MBD2: variants seen among roughly 807,000 people sequenced by gnomAD.
MBD2 encodes methyl-CpG-binding domain protein 2.
Under a neutral mutation model 39.3 loss-of-function variants are expected in MBD2, and 9 were observed. The observed-to-expected ratio is 0.23, with a 90% CI of 0.14 to 0.40. MBD2 has a LOEUF of 0.40. MBD2 is among the 10% of genes least tolerant of loss of function. The probability of loss-of-function intolerance (pLI) is 1.00; values close to 1 mark genes in which losing one functional copy is unlikely to be tolerated. For synonymous variants in MBD2, 233 were observed against 211.1 expected (o/e 1.10, Z -0.90); for missense variants, 458 against 532.6 (o/e 0.86, Z 1.38).
intron 1 of MBD2, chr18:54,222,439 A>G (rs762089656): frequency 2.1e-6 from 1 of 482,482 alleles, no homozygotes; most frequent in East Asian, 5.7e-5. Flanking sequence ...ATTAAATCAA[A>G]TATTTAATGA....
chr18:54,176,613 C>A (rs533346339), intron 3 of MBD2, among the ~76,000 whole-genome samples: 1 of 152,264 alleles, frequency 6.6e-6, no homozygotes, highest in East Asian at 1.9e-4. Context: ...TGTTTCCTGC[C>A]AAGAAGAAAT....
intron 5 of MBD2, chr18:54,160,127 T>C (rs1318122061): frequency 4.2e-6 from 2 of 474,106 alleles, no homozygotes; most frequent in South Asian, 3.1e-5. Context: ...TCATCACACA[T>C]GAAATTCTAG....
At chr18:54,211,196 T>C (rs2144341411) in intron 1 of MBD2, among the ~76,000 whole-genome samples, 1 of 152,202 alleles carries the variant, frequency 6.6e-6, no homozygotes, top group Middle Eastern at 3.4e-3. Context: ...AAAATCTCTT[T>C]AAATGTTAAC....
At chr18:54,158,964 T>C (rs1394886494) in intron 6 of MBD2, among the ~76,000 whole-genome samples, 2 of 152,202 alleles carry the variant, frequency 1.3e-5, no homozygotes, top group Non-Finnish European at 2.9e-5. Context: ...GTATTTATTA[T>C]ACTTTTTAGT....
At chr18:54,158,874 T>C (rs1223153020) in intron 6 of MBD2, among the ~76,000 whole-genome samples, 1 of 152,148 alleles carries the variant, frequency 6.6e-6, no homozygotes, top group East Asian at 1.9e-4. Flanking sequence ...GTGATCCGCC[T>C]GCCTTGGCAT....
intron 3 of MBD2, among the ~76,000 whole-genome samples, chr18:54,181,509 C>A (rs1343617621): frequency 6.6e-6 from 1 of 151,690 alleles, no homozygotes; most frequent in African/African-American, 2.4e-5. Flanking sequence ...TTATTTTATT[C>A]TTTTTTTTAA....
At chr18:54,198,695 AGT>A (rs1350761327) in intron 2 of MBD2, among the ~76,000 whole-genome samples, 2 of 152,220 alleles carry the variant, frequency 1.3e-5, no homozygotes, top group Non-Finnish European at 2.9e-5. Flanking sequence ...TGGGTGAGAA[AGT>A]GAGACCGTCT....
chr18:54,223,911 C>G (rs1201882005), intron 1 of MBD2, 107 bp downstream of exon 1: 1 of 957,758 alleles, frequency 1.0e-6, no homozygotes, highest in African/African-American at 1.7e-5. Flanking sequence ...CAGCCTGTCC[C>G]TGCCACATGC....
At chr18:54,211,813 A>T (rs1599108047) in intron 1 of MBD2, among the ~76,000 whole-genome samples, 2 of 152,082 alleles carry the variant, frequency 1.3e-5, no homozygotes, top group Non-Finnish European at 2.9e-5. Flanking sequence ...TAAGCAAAAA[A>T]GCCAAACATC....
chr18:54,187,650 T>C, intron 3 of MBD2: 2 of 981,944 alleles, frequency 2.0e-6, no homozygotes, highest in Non-Finnish European at 2.4e-6. Flanking sequence ...AAAACCTAAG[T>C]GGTGACAAGA....
rs2086298793 is a variant in MBD2 at position 54,188,527 on chromosome 18, A to G, written c.840+347T>C. On this transcript the variant is annotated intron_variant, in intron 3 of 6. Coordinates refer to ENST00000256429, the MANE Select transcript of MBD2 (RefSeq NM_003927.5). ...AATAATACAAAATATTTTTAAACTA[A>G]GCAACACAAACTACATGCTTCATTC... Among the ~76,000 whole-genome samples, 3 of 152,226 alleles carry G rather than the reference A, an allele frequency of 2.0e-5. No individual in the cohort carries two copies. The East Asian group carries it at 5.8e-4, about 29-fold the overall frequency.
chr18:54,180,896 T>C (rs959815645), intron 3 of MBD2, among the ~76,000 whole-genome samples: 2 of 109,984 alleles, frequency 1.8e-5, no homozygotes, highest in Admixed American at 9.5e-5. Flanking sequence ...CTTAATTTTT[T>C]CTTTTTCTTT....
Position 54,181,569 on chromosome 18 carries a change from G to A in MBD2, c.840+7305C>T, listed in dbSNP as rs1026188395. ...GGCTGGAGTGCAGCGGTGCGATCTCGGCTCACTACAACCTCCACCTCCCAG... is the reference window on the plus strand; with the variant it reads ...GGCTGGAGTGCAGCGGTGCGATCTCAGCTCACTACAACCTCCACCTCCCAG... On this transcript the variant is annotated intron_variant, in intron 3 of 6. Transcript: ENST00000256429. 3.6e-4 allele frequency among the ~76,000 whole-genome samples: 54 copies of A among 152,020 alleles called. 1 individual carries two copies. Among genetic ancestry groups the A allele is most frequent in the African/African-American group, 1.3e-3 (52 of 41,432 alleles).
In MBD2 at chr18:54,155,020, C is replaced by T. The variant is rs1331119152; in HGVS notation, c.*304G>A. Reference sequence around the variant, plus strand: ...AACTGTGGGGGAAACAAATGTTTTACGTAAGTGCTACATTTCCAGTAGATT... The same window carrying T: ...AACTGTGGGGGAAACAAATGTTTTATGTAAGTGCTACATTTCCAGTAGATT... On this transcript the variant is annotated 3_prime_UTR_variant, in exon 7 of 7. Coordinates refer to ENST00000256429, the MANE Select transcript of MBD2 (RefSeq NM_003927.5). 2.6e-5 allele frequency: 4 copies of T among 152,548 alleles called. No homozygotes were observed. Among genetic ancestry groups the T allele is most frequent in the Admixed American group, 1.3e-4 (2 of 15,262 alleles). The allele number at this position is 152,548 out of a possible 1,614,324, so 9.4% of individuals were successfully genotyped here.
intron 5 of MBD2, among the ~76,000 whole-genome samples, chr18:54,163,948 A>G (rs970807218): frequency 1.4e-4 from 21 of 152,122 alleles, no homozygotes; most frequent in Non-Finnish European, 2.5e-4. Context: ...CAGGGATGTG[A>G]CGACAGCTCA....
At chr18:54,216,237 A>T (rs960253813) in intron 1 of MBD2, among the ~76,000 whole-genome samples, 4 of 152,294 alleles carry the variant, frequency 2.6e-5, no homozygotes, top group Admixed American at 1.3e-4. Flanking sequence ...CACACACACA[A>T]GTTTGAGGAA....
intron 1 of MBD2, among the ~76,000 whole-genome samples, chr18:54,214,866 A>C (rs1429902520): frequency 6.6e-6 from 1 of 151,462 alleles, no homozygotes; most frequent in Non-Finnish European, 1.5e-5. Flanking sequence ...CAGCCTCCCT[A>C]GTAGCTGGGA....
intron 3 of MBD2, among the ~76,000 whole-genome samples, chr18:54,167,000 G>C (rs2086138344): frequency 6.6e-6 from 1 of 152,056 alleles, no homozygotes; most frequent in African/African-American, 2.4e-5. Flanking sequence ...TAGGTGCTGT[G>C]CTCACCCTGC....
At chr18:54,192,089 G>A (rs1269259241) in intron 2 of MBD2, among the ~76,000 whole-genome samples, 1 of 152,086 alleles carries the variant, frequency 6.6e-6, no homozygotes, top group Non-Finnish European at 1.5e-5. Flanking sequence ...CCATTTGGAG[G>A]CCCTAAGTGA....
Sources: allele counts gnomAD v4.1 joint callset (sites outside exome capture counted in the v4.1 genomes callset), GRCh38; gene constraint gnomAD v4.1.1; transcripts MANE v1.5; gene names NCBI Gene and HGNC (gene_info 2026-07-23, HGNC 2026-07-21).